LINGO1: variants seen among roughly 807,000 people sequenced by gnomAD.
The protein encoded by LINGO1 is leucine rich repeat and Ig domain containing 1, also known as leucine-rich repeat and immunoglobulin-like domain-containing nogo receptor-interacting protein 1.
Under a neutral mutation model 37.3 loss-of-function variants are expected in LINGO1, and 11 were observed. That is an observed-to-expected ratio of 0.29 (90% CI 0.19 to 0.49). The LOEUF (loss-of-function observed/expected upper bound fraction) is 0.49, where lower values mean the gene tolerates loss of function less well. LINGO1 is among the 20% of genes least tolerant of loss of function. The pLI, the probability that LINGO1 is intolerant of heterozygous loss-of-function variation, is 0.99. For missense variants in LINGO1, 585 were observed against 878.2 expected, an observed-to-expected ratio of 0.67 and a Z score of 4.22; for synonymous variants, 387 against 403.0, an observed-to-expected ratio of 0.96 and a Z score of 0.48.
intron 2 of LINGO1, among the ~76,000 whole-genome samples, chr15:77,711,587 A>T (rs753538135): frequency 6.6e-6 from 1 of 152,212 alleles, no homozygotes; most frequent in African/African-American, 2.4e-5. Context: ...CCTCTCTCTA[A>T]GCCTCAGGTT....
At chr15:77,660,731 C>T (rs1175575887) in intron 3 of LINGO1, among the ~76,000 whole-genome samples, 1 of 152,182 alleles carries the variant, frequency 6.6e-6, no homozygotes, top group East Asian at 1.9e-4. Context: ...GGTGGACAGG[C>T]AGAGAGTGGA....
At chr15:77,665,479 G>A (rs996741372) in intron 3 of LINGO1, among the ~76,000 whole-genome samples, 1 of 152,188 alleles carries the variant, frequency 6.6e-6, no homozygotes, top group African/African-American at 2.4e-5. Flanking sequence ...TCTGCCTATT[G>A]GAGGGGCTGC....
At position 77,695,489 on chromosome 15, in the gene LINGO1, C is replaced by T. The variant is rs148772805; in HGVS notation, c.-281+902G>A. ...GGTGCCATCTGCCCCTCAGATCTAG[C>T]CACTAGTGTTCCCTGGGCTCATCCC... On this transcript the variant is annotated intron_variant, in intron 1 of 3. Coordinates refer to the LINGO1 transcript ENST00000559893. 2.4e-4 allele frequency among the ~76,000 whole-genome samples: 36 copies of T among 152,336 alleles called. No individual in the cohort carries two copies. The East Asian group carries it at 5.8e-3, about 24-fold the overall frequency.
At chr15:77,721,323 C>A (rs1360680201) in intron 2 of LINGO1, among the ~76,000 whole-genome samples, 1 of 152,122 alleles carries the variant, frequency 6.6e-6, no homozygotes, top group African/African-American at 2.4e-5. Flanking sequence ...TGTGCTCTTC[C>A]CTTTGCCTGC....
intron 1 of LINGO1, among the ~76,000 whole-genome samples, chr15:77,816,666 G>C (rs1157481115): frequency 6.6e-6 from 1 of 152,148 alleles, no homozygotes; most frequent in Non-Finnish European, 1.5e-5. Flanking sequence ...AGTAGGGGTG[G>C]GGAGCCCCTG....
chr15:77,676,157 G>A (rs547707705), intron 3 of LINGO1, among the ~76,000 whole-genome samples: 24 of 152,334 alleles, frequency 1.6e-4, no homozygotes, highest in Non-Finnish European at 2.2e-4. Context: ...GCAGCTGGGG[G>A]ATCAGGAAAT....
intron 2 of LINGO1, among the ~76,000 whole-genome samples, chr15:77,709,718 G>A (rs57302613): frequency 0.032 from 4,894 of 152,326 alleles, 289 homozygotes; most frequent in African/African-American, 0.11. Context: ...CTGCTTTGAT[G>A]TGCCTGTCCT....
intron 2 of LINGO1, among the ~76,000 whole-genome samples, chr15:77,702,909 C>T (rs1231684100): frequency 2.0e-5 from 3 of 152,228 alleles, no homozygotes; most frequent in Non-Finnish European, 4.4e-5. Flanking sequence ...TCTCATTCTC[C>T]CAGCAGCTCC....
chr15:77,804,352 T>A (rs1165705796), intron 1 of LINGO1, among the ~76,000 whole-genome samples: 2 of 152,040 alleles, frequency 1.3e-5, no homozygotes, highest in Admixed American at 6.5e-5. Flanking sequence ...GAGGGACTAG[T>A]GCAAGTCATG....
chr15:77,721,016 C>T (rs868145196), intron 2 of LINGO1, among the ~76,000 whole-genome samples: 52 of 152,090 alleles, frequency 3.4e-4, no homozygotes, highest in African/African-American at 1.1e-3. Context: ...CAGAGGGCAG[C>T]CTGACCAATA....
At chr15:77,804,059 C>T (rs552617987) in intron 1 of LINGO1, among the ~76,000 whole-genome samples, 1 of 152,218 alleles carries the variant, frequency 6.6e-6, no homozygotes, top group South Asian at 2.1e-4. Flanking sequence ...TTAATCATGT[C>T]ACCTGGGGAA....
chr15:77,728,760 A>AAG (rs2076127488), intron 2 of LINGO1, among the ~76,000 whole-genome samples: 1 of 152,178 alleles, frequency 6.6e-6, no homozygotes, highest in Non-Finnish European at 1.5e-5. Flanking sequence ...TCTGCCACTT[A>AAG]AGGACTGTGT....
At chr15:77,620,619 G>A (rs2073888313) in intron 1 of LINGO1, among the ~76,000 whole-genome samples, 4 of 152,258 alleles carry the variant, frequency 2.6e-5, no homozygotes, top group Non-Finnish European at 5.9e-5. Flanking sequence ...CCCTGAGGGT[G>A]CTGCCACCAG....
intron 1 of LINGO1, among the ~76,000 whole-genome samples, chr15:77,744,582 C>T (rs1444567964): frequency 6.6e-6 from 1 of 152,228 alleles, no homozygotes; most frequent in Non-Finnish European, 1.5e-5. Context: ...TTGTATTAAA[C>T]AGTTAATATG....
intron 1 of LINGO1, among the ~76,000 whole-genome samples, chr15:77,738,754 A>AAGAG (rs2076227587): frequency 8.6e-6 from 1 of 116,404 alleles, no homozygotes; most frequent in Non-Finnish European, 1.8e-5. Context: ...TGCTGAAGGA[A>AAGAG]GGAAGGAAGG....
intron 1 of LINGO1, among the ~76,000 whole-genome samples, chr15:77,620,467 C>T (rs901652445): frequency 6.6e-6 from 1 of 152,210 alleles, no homozygotes; most frequent in African/African-American, 2.4e-5. Flanking sequence ...ACCGGCCACA[C>T]CCTCCTTCAT....
chr15:77,813,663 T>C (rs1195723119), intron 1 of LINGO1, among the ~76,000 whole-genome samples: 2 of 152,176 alleles, frequency 1.3e-5, no homozygotes, highest in East Asian at 1.9e-4. Flanking sequence ...GATCATCAAA[T>C]TGCAGGACAG....
intron 1 of LINGO1, among the ~76,000 whole-genome samples, chr15:77,798,267 C>T (rs1258738926): frequency 1.3e-5 from 2 of 152,222 alleles, no homozygotes; most frequent in Non-Finnish European, 2.9e-5. Context: ...GCACTGTCAG[C>T]GGCCTCCCAA....
chr15:77,769,074 A>G (rs1596208404), intron 1 of LINGO1, among the ~76,000 whole-genome samples: 1 of 151,632 alleles, frequency 6.6e-6, no homozygotes, highest in African/African-American at 2.4e-5. Context: ...TGCAACCCTT[A>G]CCTGAGTCTC....
Sources: allele counts gnomAD v4.1 joint callset (sites outside exome capture counted in the v4.1 genomes callset), GRCh38; gene constraint gnomAD v4.1.1; transcripts MANE v1.5; gene names NCBI Gene and HGNC (gene_info 2026-07-23, HGNC 2026-07-21).